ZNF382: variants seen among roughly 807,000 people sequenced by gnomAD.
ZNF382 encodes the protein zinc finger protein 382, also known as KRAB/zinc finger suppressor protein 1.
A neutral mutation model predicts 38.8 loss-of-function variants in ZNF382; 20 were observed. That is an observed-to-expected ratio of 0.51 (90% CI 0.36 to 0.75). ZNF382 has a LOEUF of 0.75. Ranked by LOEUF, ZNF382 falls within the 30% of genes least tolerant of loss-of-function variation. The pLI is 0.00. For missense variants in ZNF382, 546 were observed against 654.1 expected, an observed-to-expected ratio of 0.83 and a Z score of 1.80; for synonymous variants, 202 against 223.1, an observed-to-expected ratio of 0.91 and a Z score of 0.84.
chr19:36,609,697 G>T (rs953625629), intron 2 of ZNF382: 26 of 430,632 alleles, frequency 6.0e-5, no homozygotes, highest in African/African-American at 5.4e-4. Flanking sequence ...ATTCATTTTG[G>T]TCTACCAGGC....
chr19:36,618,493 TA>T (rs747612972), intron 4 of ZNF382, among the ~76,000 whole-genome samples: 1 of 152,204 alleles, frequency 6.6e-6, no homozygotes, highest in Non-Finnish European at 1.5e-5. Flanking sequence ...CTCTGAACTC[TA>T]ACCTCTGATT....
Position 36,627,898 on chromosome 19 carries a change from G to T in ZNF382, c.*348G>T. On this transcript the variant is annotated 3_prime_UTR_variant, in exon 5 of 5. Transcript: ENST00000292928. ...AGTTGGCCAACTGACTGTGGTCCAT[G>T]GACTACACAGTGAGTAGAGGTTCTT... The T allele has an allele frequency of 4.8e-6, 1 of 210,226 alleles. No individual in the cohort carries two copies. Among genetic ancestry groups the T allele is most frequent in the Non-Finnish European group, 9.7e-6 (1 of 103,250 alleles). 13.0% of individuals were successfully genotyped at this position (210,226 alleles called of 1,614,324 possible).
chr19:36,616,671 T>C (rs188111810), intron 4 of ZNF382, among the ~76,000 whole-genome samples: 4 of 152,386 alleles, frequency 2.6e-5, no homozygotes, highest in African/African-American at 9.6e-5. Context: ...TGCCCTGTTA[T>C]GTAATCTTAT....
intron 4 of ZNF382, among the ~76,000 whole-genome samples, chr19:36,612,902 C>T (rs2037090081): frequency 6.6e-6 from 1 of 152,308 alleles, no homozygotes; most frequent in Non-Finnish European, 1.5e-5. Flanking sequence ...AGCAATTCTC[C>T]TGCCTCAGCC....
chr19:36,607,469 T>C (rs1290235001), intron 1 of ZNF382, 83 bp from the exon 2 acceptor site: 1 of 791,688 alleles, frequency 1.3e-6, no homozygotes, highest in Non-Finnish European at 2.0e-6. Flanking sequence ...TGAACATTCA[T>C]GCAGATTTAA....
intron 1 of ZNF382, among the ~76,000 whole-genome samples, chr19:36,606,542 G>C (rs1017080480): frequency 6.6e-6 from 1 of 151,674 alleles, no homozygotes; most frequent in Non-Finnish European, 1.5e-5. Context: ...TTTTAGTAGA[G>C]ATGGGGTTTC....
At chr19:36,612,709 A>G (rs2385642) in intron 4 of ZNF382, among the ~76,000 whole-genome samples, 51,901 of 152,090 alleles carry the variant, frequency 0.34, 9,128 homozygotes, top group South Asian at 0.44. Flanking sequence ...TTATCTTACA[A>G]CTAATAATGT....
chr19:36,610,783 G>A (rs774310544), intron 4 of ZNF382, 41 bp downstream of exon 4: 4 of 1,453,826 alleles, frequency 2.8e-6, no homozygotes, highest in South Asian at 1.2e-5. Context: ...TAAATGTCAA[G>A]TAGTTGAAGC....
chr19:36,631,137 G>A lies in ZNF382; in HGVS notation c.*3587G>A, dbSNP rs1354942584. 1.3e-5 allele frequency: 2 copies of A among 151,786 alleles called. No individual in the cohort carries two copies. Among genetic ancestry groups the A allele is most frequent in the Non-Finnish European group, 1.5e-5 (1 of 67,982 alleles). The allele number at this position is 151,786 out of a possible 1,614,324, so 9.4% of individuals were successfully genotyped here. ...AATACAGCATTGCATCACTTAATAG[G>A]GATACATTCTGAGAAATGCATCATG... On this transcript the variant is annotated 3_prime_UTR_variant, in exon 5 of 5. Coordinates refer to ENST00000292928, the MANE Select transcript of ZNF382 (RefSeq NM_032825.5).
intron 4 of ZNF382, 119 bp from the exon 5 acceptor site, chr19:36,626,011 T>C: frequency 3.3e-6 from 2 of 613,712 alleles, no homozygotes; most frequent in South Asian, 5.2e-5. Context: ...AGAGGTAATT[T>C]ATTCTGGCCT....
chr19:36,610,458 A>C (rs2037068092), intron 3 of ZNF382, 192 bp from the exon 4 acceptor site: 1 of 457,590 alleles, frequency 2.2e-6, no homozygotes. Context: ...TGTCTCAAAA[A>C]AAAAAAAGAA....
intron 4 of ZNF382, among the ~76,000 whole-genome samples, chr19:36,622,848 C>A (rs2037180289): frequency 6.6e-6 from 1 of 152,174 alleles, no homozygotes. Flanking sequence ...CTTTACCACA[C>A]AATACTATAT....
At chr19:36,612,222 C>T (rs1207755140) in intron 4 of ZNF382, among the ~76,000 whole-genome samples, 1 of 152,138 alleles carries the variant, frequency 6.6e-6, no homozygotes, top group Non-Finnish European at 1.5e-5. Context: ...TATTGCAAAC[C>T]TTTTTCATGT....
At position 36,631,910 on chromosome 19, in the gene ZNF382, G is replaced by A. The variant is rs1289464737; in HGVS notation, c.*4360G>A. 6.6e-6 allele frequency: 1 copy of A among 152,152 alleles called. No individual in the cohort carries two copies. The highest frequency in any genetic ancestry group is 2.4e-5 in the African/African-American group (1 of 41,430). The allele number at this position is 152,152 out of a possible 1,614,324, so 9.4% of individuals were successfully genotyped here. A position where few individuals can be genotyped will look rare whatever the true frequency, so the allele number is the denominator to read the frequency against. On this transcript the variant is annotated 3_prime_UTR_variant, in exon 5 of 5. Coordinates refer to ENST00000292928, the MANE Select transcript of ZNF382 (RefSeq NM_032825.5). ...CATATTTTGTAGACCTAACTGCAAG[G>A]TCATAAGGCATATGCAAAATGAGTT...
chr19:36,612,823 A>G (rs184011937), intron 4 of ZNF382, among the ~76,000 whole-genome samples: 139 of 152,216 alleles, frequency 9.1e-4, no homozygotes, highest in Admixed American at 1.9e-3. Flanking sequence ...ACAGAGTCTC[A>G]CTCTGTCGCC....
chr19:36,622,483 C>T (rs1037644560), intron 4 of ZNF382, among the ~76,000 whole-genome samples: 13 of 152,296 alleles, frequency 8.5e-5, no homozygotes, highest in Middle Eastern at 3.4e-3. Flanking sequence ...GTCGCCCTAT[C>T]GCCGTGGAGT....
In ZNF382 at chr19:36,629,899, T is replaced by G. The variant is rs1281979040; in HGVS notation, c.*2349T>G. On this transcript the variant is annotated 3_prime_UTR_variant, in exon 5 of 5. Transcript: ENST00000292928. ...AGGATAGCACCACTGCACTCCAGCCTGGGTAACAGAGCGAGACCCTGTCTC... is the reference window on the plus strand; with the variant it reads ...AGGATAGCACCACTGCACTCCAGCCGGGGTAACAGAGCGAGACCCTGTCTC... 3.9e-5 allele frequency: 6 copies of G among 152,176 alleles called. No individual in the cohort carries two copies. Among genetic ancestry groups the G allele is most frequent in the Non-Finnish European group, 8.8e-5 (6 of 68,054 alleles). 9.4% of individuals were successfully genotyped at this position (152,176 alleles called of 1,614,324 possible). A position where few individuals can be genotyped will look rare whatever the true frequency, so the allele number is the denominator to read the frequency against.
rs540493863 is a variant in ZNF382, at chr19:36,608,563, G to A, written c.-14+941G>A. The A allele has an allele frequency of 2.0e-5, 3 of 152,140 alleles. No individual in the cohort carries two copies. In the East Asian group the frequency reaches 5.8e-4, roughly 29 times the overall value. The allele number at this position is 152,140 out of a possible 1,614,324, so 9.4% of individuals were successfully genotyped here. A position where few individuals can be genotyped will look rare whatever the true frequency, so the allele number is the denominator to read the frequency against. The stretch of plus-strand genomic sequence containing the variant: ...ACTGGTTTTCCTCAGATGCTAATTG[G>A]TTCTCTTCTTCTTCACAGTCCGTTT... On this transcript the variant is annotated intron_variant, in intron 2 of 4. Coordinates refer to ENST00000292928, the MANE Select transcript of ZNF382 (RefSeq NM_032825.5).
rs1255083117 is a variant in ZNF382 at position 36,628,821 on chromosome 19, C to T, written c.*1271C>T. On this transcript the variant is annotated 3_prime_UTR_variant, in exon 5 of 5. Transcript: ENST00000292928. ...GCCATCATTCATATATTATACTACA[C>T]CAGGGAATTCACATAGGATGAGAAC... The T allele has an allele frequency of 6.6e-6, 1 of 152,484 alleles. No individual in the cohort carries two copies. Among genetic ancestry groups the T allele is most frequent in the East Asian group, 1.9e-4 (1 of 5,196 alleles). The allele number at this position is 152,484 out of a possible 1,614,324, so 9.4% of individuals were successfully genotyped here. A position where few individuals can be genotyped will look rare whatever the true frequency, so the allele number is the denominator to read the frequency against.
Sources: allele counts gnomAD v4.1 joint callset (sites outside exome capture counted in the v4.1 genomes callset), GRCh38; gene constraint gnomAD v4.1.1; transcripts MANE v1.5; gene names NCBI Gene and HGNC (gene_info 2026-07-23, HGNC 2026-07-21).